Variants in CNNM4 observed in about 807,000 individuals in gnomAD.
CNNM4 encodes the protein metal transporter CNNM4.
In CNNM4, 32 loss-of-function variants were observed where a neutral mutation model predicts 53.7. The ratio of observed to expected loss-of-function variants is 0.60; its 90% CI spans 0.45 to 0.80. The LOEUF is 0.80. CNNM4 is among the 30% of genes least tolerant of loss of function. CNNM4 has a pLI of 0.00. For synonymous variants in CNNM4, 410 were observed against 440.0 expected, an observed-to-expected ratio of 0.93 and a Z score of 0.85; for missense variants, 784 against 1,022.0, an observed-to-expected ratio of 0.77 and a Z score of 3.17.
At chr2:96,768,408 G>A (rs1456341260) in intron 1 of CNNM4, among the ~76,000 whole-genome samples, 1 of 152,316 alleles carries the variant, frequency 6.6e-6, no homozygotes, top group Middle Eastern at 3.4e-3. Flanking sequence ...ACCAAGGAGA[G>A]AGACACGTGA....
chr2:96,788,952 G>A (rs992682752), intron 1 of CNNM4: 3 of 151,948 alleles, frequency 2.0e-5, no homozygotes, highest in Admixed American at 6.6e-5. Context: ...CTATAATACG[G>A]TTTTCTTAAG....
At chr2:96,763,567 G>C (rs899984690) in intron 1 of CNNM4, among the ~76,000 whole-genome samples, 1 of 152,186 alleles carries the variant, frequency 6.6e-6, no homozygotes, top group Non-Finnish European at 1.5e-5. Flanking sequence ...TGCTCAGGCC[G>C]ACCTAGGGCT....
At chr2:96,785,454 T>A (rs1195552388) in intron 1 of CNNM4, among the ~76,000 whole-genome samples, 1 of 150,826 alleles carries the variant, frequency 6.6e-6, no homozygotes, top group Admixed American at 6.6e-5. Flanking sequence ...CTGGGCAACA[T>A]GGCGAAACCC....
intron 1 of CNNM4, among the ~76,000 whole-genome samples, chr2:96,795,492 C>A (rs376827071): frequency 1.3e-5 from 2 of 152,258 alleles, no homozygotes; most frequent in South Asian, 2.1e-4. Flanking sequence ...GCAGTACCCC[C>A]CCCCCCATCA....
At chr2:96,790,745 C>T (rs1264773637) in intron 1 of CNNM4, among the ~76,000 whole-genome samples, 3 of 147,028 alleles carry the variant, frequency 2.0e-5, no homozygotes, top group Non-Finnish European at 3.0e-5. Context: ...TTTGGGAGGC[C>T]GAGGTGGGCG....
At position 96,800,893 on chromosome 2, in the gene CNNM4, G is replaced by A. The variant is rs555123649; in HGVS notation, c.1948+1245G>A. ...ACTCAGCCAGCTTCTGCCTGTCTCC[G>A]CACAGGGCTCACCGCTGTGCCCTGA... On this transcript the variant is annotated intron_variant, in intron 5 of 6. Transcript: ENST00000377075. This position sits in a 1 kb window ranked among gnomAD's most constrained non-coding sequence, Gnocchi z 4.6. Among the ~76,000 whole-genome samples, 97 of 152,270 alleles carry A rather than the reference G, an allele frequency of 6.4e-4. No individual in the cohort carries two copies. Among genetic ancestry groups the A allele is most frequent in the African/African-American group, 2.1e-3 (89 of 41,550 alleles).
Position 96,762,248 on chromosome 2 carries a change from A to T in CNNM4, c.1249A>T (p.Asn417Tyr). The part of the protein sequence containing the change: ...RIPVFEDEQS[N>Y]IVDILYVKDL... ...CCCGGTGTTCGAAGACGAGCAGTCC[A>T]ATATTGTAGATATTCTCTACGTCAA... Residue 417 changes from asparagine to tyrosine, a missense_variant, in exon 1 of 7, where the codon AAT (asparagine) becomes TAT (tyrosine). By Grantham distance (143) the Asn-to-Tyr change is moderately radical. Around this residue, in one of 3 missense-constraint regions of CNNM4, gnomAD observed 473 missense variants for 624.6 expected, o/e 0.76. Coordinates refer to ENST00000377075, the MANE Select transcript of CNNM4 (RefSeq NM_020184.4). The T allele has an allele frequency of 6.2e-7, 1 of 1,614,176 alleles. No homozygotes were observed. Among genetic ancestry groups the T allele is most frequent in the Non-Finnish European group, 8.5e-7 (1 of 1,180,038 alleles).
chr2:96,796,487 C>T (rs1212299608), intron 1 of CNNM4, among the ~76,000 whole-genome samples: 1 of 151,970 alleles, frequency 6.6e-6, no homozygotes, highest in Non-Finnish European at 1.5e-5. Context: ...CCTGGCCTGG[C>T]GTGGTGGCTC....
rs542286410 is a variant in CNNM4 at position 96,800,415 on chromosome 2, G to A, written c.1948+767G>A. Among the ~76,000 whole-genome samples the A allele has an allele frequency of 1.3e-5, 2 of 152,360 alleles. No homozygotes were observed. Among genetic ancestry groups the A allele is most frequent in the South Asian group, 2.1e-4 (1 of 4,832 alleles). On this transcript the variant is annotated intron_variant, in intron 5 of 6. Coordinates refer to ENST00000377075, the MANE Select transcript of CNNM4 (RefSeq NM_020184.4). This position sits in a 1 kb window ranked among gnomAD's most constrained non-coding sequence, Gnocchi z 4.6. ...AGAACAGGCCACGCCAGTGGGGTAC[G>A]AGCTGCAGCTCCCAGAGAACCTCTG...
rs374164168 is a variant in CNNM4 at position 96,797,003 on chromosome 2, G to A, written c.1403-9G>A. On this transcript the variant is annotated splice_polypyrimidine_tract_variant and intron_variant, in intron 1 of 6. Coordinates refer to ENST00000377075, the MANE Select transcript of CNNM4 (RefSeq NM_020184.4). The surrounding 1 kb of genome is among the most constrained non-coding windows in gnomAD (Gnocchi z 6.0). ...GGGCTCTTGTCTGACTTGCTGCATT[G>A]TCCCACAGGGAAGTCCCACCTGGCC... The A allele has an allele frequency of 1.1e-4, 184 of 1,612,352 alleles. No individual in the cohort carries two copies. Among genetic ancestry groups the A allele is most frequent in the Non-Finnish European group, 1.5e-4 (179 of 1,179,954 alleles).
intron 1 of CNNM4, among the ~76,000 whole-genome samples, chr2:96,787,333 T>G (rs2079024495): frequency 6.6e-6 from 1 of 152,208 alleles, no homozygotes; most frequent in African/African-American, 2.4e-5. Flanking sequence ...ATATGATAGG[T>G]AAAAAATGAG....
rs12846 is a variant in CNNM4, at chr2:96,811,637, C to T, written c.*2120C>T. 41,290 of 152,598 alleles carry T rather than the reference C, an allele frequency of 0.27. 11,685 individuals carry two copies. The highest frequency in any genetic ancestry group is 0.72 in the African/African-American group (30,069 of 41,482). The allele number at this position is 152,598 out of a possible 1,614,324, so 9.5% of individuals were successfully genotyped here. A position where few individuals can be genotyped will look rare whatever the true frequency, so the allele number is the denominator to read the frequency against. On this transcript the variant is annotated 3_prime_UTR_variant, in exon 7 of 7. Coordinates refer to ENST00000377075, the MANE Select transcript of CNNM4 (RefSeq NM_020184.4). ...ACTGGCCCACCCACTGTGTCTTCCA[C>T]GTAAGGGAGACCTTTGCAAAGGGCA...
chr2:96,784,389 A>T (rs2078999669), intron 1 of CNNM4, among the ~76,000 whole-genome samples: 1 of 152,254 alleles, frequency 6.6e-6, no homozygotes, highest in Non-Finnish European at 1.5e-5. Flanking sequence ...CAGTGAGTAG[A>T]GCAAGTGGGA....
In CNNM4 at chr2:96,761,711, A is replaced by G. The variant is rs762874791; in HGVS notation, c.712A>G (p.Lys238Glu). 10 of 1,609,270 alleles carry G rather than the reference A, an allele frequency of 6.2e-6. No homozygotes were observed. Among genetic ancestry groups the G allele is most frequent in the Non-Finnish European group, 8.5e-6 (10 of 1,179,980 alleles). The change falls in exon 1 of 7, where the codon AAG becomes GAG. Residue 238 changes from lysine (K) to glutamate (E), a missense_variant. Lys to Glu is a moderately conservative substitution (Grantham distance 56). Coordinates refer to ENST00000377075, the MANE Select transcript of CNNM4 (RefSeq NM_020184.4). This position sits in a 1 kb window ranked among gnomAD's most constrained non-coding sequence, Gnocchi z 6.0. ...CCGCAAGATTGAGCCCATCCGGCGC[A>G]AGGGCAACTACCTTCTCTGCTCGTT... Reference protein sequence around the residue: ...YARKIEPIRRKGNYLLCSLLL... With the variant: ...YARKIEPIRREGNYLLCSLLL...
intron 1 of CNNM4, among the ~76,000 whole-genome samples, chr2:96,780,135 T>G (rs1412285149): frequency 6.6e-6 from 1 of 152,168 alleles, no homozygotes; most frequent in Non-Finnish European, 1.5e-5. Context: ...TCTTCCAATC[T>G]GTGAACACGA....
In CNNM4 at chr2:96,797,530, AAGCGGGTGT is replaced by A. The variant is rs2079114770; in HGVS notation, c.1565_1573del (p.Lys522_Ser525delinsThr). Reference sequence around the variant, plus strand: ...TCCGGCAGCTGACAACCGAAGCCGGAAGCGGGTGTCTGAGAAGAACAAGCGTGACTTCTC... The same window carrying A: ...TCCGGCAGCTGACAACCGAAGCCGGACTGAGAAGAACAAGCGTGACTTCTC... On this transcript the variant is annotated inframe_deletion, in exon 3 of 7. Transcript: ENST00000377075. This position sits in a 1 kb window ranked among gnomAD's most constrained non-coding sequence, Gnocchi z 6.0. The A allele has an allele frequency of 6.2e-7, 1 of 1,614,048 alleles. No homozygotes were observed. The highest frequency in any genetic ancestry group is 1.7e-5 in the Admixed American group (1 of 60,004).
At chr2:96,792,239 C>G (rs1188585429) in intron 1 of CNNM4, among the ~76,000 whole-genome samples, 2 of 144,958 alleles carry the variant, frequency 1.4e-5, no homozygotes, top group African/African-American at 5.1e-5. Context: ...GAGTGAGACT[C>G]CAGCTCAAAA....
rs1440183320 is a variant in CNNM4 at position 96,776,121 on chromosome 2, C to T, written c.1402+13720C>T. Among the ~76,000 whole-genome samples the T allele has an allele frequency of 4.6e-5, 7 of 151,172 alleles. No individual in the cohort carries two copies. In the East Asian group the frequency reaches 5.8e-4, roughly 13 times the overall value. ...TCAGCTCACCACAACCTCCACCTCCCGGGTTCAAGTGATTCCTCCGCCTCA... is the reference window on the plus strand; with the variant it reads ...TCAGCTCACCACAACCTCCACCTCCTGGGTTCAAGTGATTCCTCCGCCTCA... On this transcript the variant is annotated intron_variant, in intron 1 of 6. Transcript: ENST00000377075.
chr2:96,805,440 A>AAT (rs2079194974), intron 5 of CNNM4, among the ~76,000 whole-genome samples: 29 of 87,396 alleles, frequency 3.3e-4, no homozygotes, highest in South Asian at 1.7e-3. Flanking sequence ...TTTTTTTTTT[A>AAT]TTATTTTTTT....
Sources: gnomAD v4.1 joint callset for allele counts (sites outside exome capture counted in the v4.1 genomes callset) on GRCh38, gnomAD v4.1.1 for gene constraint, gnomAD v4.1.1 regional missense constraint, Gnocchi (gnomAD v3.1) non-coding constraint, MANE v1.5 for transcripts, NCBI Gene and HGNC (gene_info 2026-07-23, HGNC 2026-07-21) for gene names.